The following ALOX12B variants were observed in gnomAD, a reference collection of about 807,000 sequenced individuals.
ALOX12B encodes the protein arachidonate 12-lipoxygenase, 12R type, also known as arachidonate 12-lipoxygenase, 12R-type.
In ALOX12B, 47 loss-of-function variants were observed where a neutral mutation model predicts 78.9. That is an observed-to-expected ratio of 0.60 (90% CI 0.47 to 0.76). The LOEUF (loss-of-function observed/expected upper bound fraction) is 0.76, where lower values mean the gene tolerates loss of function less well. Among genes scored for constraint, ALOX12B ranks in the 30% least tolerant of loss-of-function variants. The probability of loss-of-function intolerance (pLI) is 0.00; values close to 1 mark genes in which losing one functional copy is unlikely to be tolerated. For synonymous variants in ALOX12B, 370 were observed against 374.5 expected, an observed-to-expected ratio of 0.99 and a Z score of 0.14; for missense variants, 805 against 922.6, an observed-to-expected ratio of 0.87 and a Z score of 1.65.
rs764777428 is a variant in ALOX12B at position 8,073,136 on chromosome 17, C to G, written c.1926+12G>C. 2.7e-5 allele frequency: 43 copies of G among 1,613,994 alleles called. No individual in the cohort carries two copies. Among genetic ancestry groups the G allele is most frequent in the Non-Finnish European group, 3.4e-5 (40 of 1,180,052 alleles). The stretch of plus-strand genomic sequence containing the variant: ...CCTCCCTGTGCTCAGAGTCCCCCAT[C>G]CCGTCTCGCACCCTGTCGTCAGGCT... On this transcript the variant is annotated intron_variant, in intron 14 of 14. Transcript: ENST00000647874.
At position 8,080,008 on chromosome 17, in the gene ALOX12B, C is replaced by A; in HGVS notation, c.755-67G>T. Reference sequence around the variant, plus strand: ...CCCTCGGGGACGGAGAGGCATGGGACAGAAGAAGACTATGGGCACCGAGAG... The same window carrying A: ...CCCTCGGGGACGGAGAGGCATGGGAAAGAAGAAGACTATGGGCACCGAGAG... On this transcript the variant is annotated intron_variant, in intron 6 of 14. Transcript: ENST00000647874. This position sits in a 1 kb window ranked among gnomAD's most constrained non-coding sequence, Gnocchi z 4.8. 1 of 1,573,368 alleles carries A rather than the reference C, an allele frequency of 6.4e-7. No individual in the cohort carries two copies. The highest frequency in any genetic ancestry group is 2.3e-5 in the East Asian group (1 of 43,104).
chr17:8,076,636 G>A lies in ALOX12B; in HGVS notation c.1362+21C>T, dbSNP rs369793535. 4 of 1,547,164 alleles carry A rather than the reference G, an allele frequency of 2.6e-6. No homozygotes were observed. In the African/African-American group the frequency reaches 4.1e-5, roughly 16 times the overall value. On this transcript the variant is annotated intron_variant, in intron 10 of 14. Coordinates refer to ENST00000647874, the MANE Select transcript of ALOX12B (RefSeq NM_001139.3). ...CAGAGGAAAACAAATGTCTCGTTGG[G>A]GTTGGGGGCAGAAGTCTTACCTTGG...
intron 8 of ALOX12B, among the ~76,000 whole-genome samples, chr17:8,077,447 C>T (rs1977111205): frequency 6.6e-6 from 1 of 152,212 alleles, no homozygotes; most frequent in African/African-American, 2.4e-5. Context: ...CTTCAAGAAC[C>T]ATCTCACAAG....
In ALOX12B at chr17:8,076,697, C is replaced by T. The variant is rs1443472992; in HGVS notation, c.1322G>A (p.Gly441Asp). 3 of 1,551,202 alleles carry T rather than the reference C, an allele frequency of 1.9e-6. No individual in the cohort carries two copies. In the South Asian group the frequency reaches 3.6e-5, roughly 18 times the overall value. ...CCCCTCATTGAGGAGAACGGCCCGGCCAATGCTGTTGATCTGGACGGTGTA... is the reference window on the plus strand; with the variant it reads ...CCCCTCATTGAGGAGAACGGCCCGGTCAATGCTGTTGATCTGGACGGTGTA... ...TRYTVQINSIGRAVLLNEGGL... is the reference protein window; with the variant it reads ...TRYTVQINSIDRAVLLNEGGL... Residue 441 changes from glycine (G) to aspartate (D), a missense_variant, in exon 10 of 15, where the codon GGC becomes GAC. Transcript: ENST00000647874.
chr17:8,077,955 T>C (rs546678040), intron 8 of ALOX12B, among the ~76,000 whole-genome samples: 31 of 152,228 alleles, frequency 2.0e-4, no homozygotes, highest in African/African-American at 7.5e-4. Context: ...CAGCAACAGA[T>C]GGAAAATATT....
chr17:8,087,192 C>T (rs937770391), intron 1 of ALOX12B, 104 bp downstream of exon 1: 115 of 1,525,738 alleles, frequency 7.5e-5, no homozygotes, highest in Middle Eastern at 2.0e-4. Flanking sequence ...CACCTTCACC[C>T]CTCCCGGGGC....
rs372595186 is a variant in ALOX12B, at chr17:8,079,762, G to T, written c.927+7C>A. ...AGGGCCGGGGTCTCCGCCGGAGCGG[G>T]CCTCACCTCCAGCTCCGCTTGCAAG... On this transcript the variant is annotated splice_region_variant and intron_variant, in intron 7 of 14. Transcript: ENST00000647874. The surrounding 1 kb of genome is among the most constrained non-coding windows in gnomAD (Gnocchi z 6.4). The T allele has an allele frequency of 1.3e-4, 202 of 1,610,654 alleles. 1 individual carries two copies. In the African/African-American group the frequency reaches 2.3e-3, roughly 19 times the overall value.
Position 8,079,088 on chromosome 17 carries a change from G to T in ALOX12B, c.1071+308C>A, listed in dbSNP as rs1479679402. On this transcript the variant is annotated intron_variant, in intron 8 of 14. Coordinates refer to ENST00000647874, the MANE Select transcript of ALOX12B (RefSeq NM_001139.3). This position sits in a 1 kb window ranked among gnomAD's most constrained non-coding sequence, Gnocchi z 6.4. ...AAATTTTTGTATTTTTAGTAGAGAC[G>T]GGGTTTCACCGTGTTAGCCAGGATG... Among the ~76,000 whole-genome samples, 1 of 151,964 alleles carries T rather than the reference G, an allele frequency of 6.6e-6. No individual in the cohort carries two copies. Among genetic ancestry groups the T allele is most frequent in the Non-Finnish European group, 1.5e-5 (1 of 67,996 alleles).
intron 2 of ALOX12B, among the ~76,000 whole-genome samples, chr17:8,083,593 G>A (rs1435867417): frequency 6.6e-6 from 1 of 152,162 alleles, no homozygotes; most frequent in Non-Finnish European, 1.5e-5. Flanking sequence ...GCTGGGTGTG[G>A]TGTTGCATGC....
At chr17:8,086,524 G>T (rs1978299116) in intron 1 of ALOX12B, among the ~76,000 whole-genome samples, 1 of 152,192 alleles carries the variant, frequency 6.6e-6, no homozygotes. Context: ...GAACCCTTCA[G>T]ACCCCTGGGG....
intron 10 of ALOX12B, 113 bp downstream of exon 10, chr17:8,076,544 C>A: frequency 1.5e-6 from 2 of 1,345,938 alleles, no homozygotes; most frequent in Non-Finnish European, 2.1e-6. Context: ...AGCTCCCTCC[C>A]TTCATGCCCC....
intron 2 of ALOX12B, among the ~76,000 whole-genome samples, chr17:8,085,114 C>T (rs1002873668): frequency 2.0e-5 from 3 of 152,172 alleles, no homozygotes; most frequent in African/African-American, 7.2e-5. Flanking sequence ...AACAGTGCAT[C>T]CTGTTAGAGA....
Position 8,072,817 on chromosome 17 carries a change from T to C in ALOX12B, c.2060A>G (p.Tyr687Cys), listed in dbSNP as rs1482844053. Residue 687 changes from tyrosine (Y) to cysteine (C), a missense_variant, in exon 15 of 15, where the codon TAC (tyrosine) becomes TGC (cysteine). Tyr to Cys is a radical substitution (Grantham distance 194). Coordinates refer to ENST00000647874, the MANE Select transcript of ALOX12B (RefSeq NM_001139.3). ...AATCAGCACCGGGTCCAGGTAGTAG[T>C]AGGGGATGGGAAGGCACTTGTTGCG... The part of the protein sequence containing the change: ...RQRNKCLPIP[Y>C]YYLDPVLIEN... 2 of 1,614,198 alleles carry C rather than the reference T, an allele frequency of 1.2e-6. No homozygotes were observed. Among genetic ancestry groups the C allele is most frequent in the Non-Finnish European group, 1.7e-6 (2 of 1,180,030 alleles).
At position 8,087,253 on chromosome 17, in the gene ALOX12B, C is replaced by CACAG. The variant is rs754519461; in HGVS notation, c.147+42_147+43insCTGT. On this transcript the variant is annotated intron_variant, in intron 1 of 14. Coordinates refer to ENST00000647874, the MANE Select transcript of ALOX12B (RefSeq NM_001139.3). ...ACACACACAGACACACACACACACA[C>CACAG]ACACAGACACACACACACACACACA... The CACAG allele has an allele frequency of 1.2e-3, 1,384 of 1,128,968 alleles. 1 individual carries two copies. The highest frequency in any genetic ancestry group is 3.4e-3 in the South Asian group (221 of 64,756). 69.9% of individuals were successfully genotyped at this position (1,128,968 alleles called of 1,614,324 possible). A position where few individuals can be genotyped will look rare whatever the true frequency, so the allele number is the denominator to read the frequency against.
intron 2 of ALOX12B, among the ~76,000 whole-genome samples, chr17:8,083,151 A>G (rs1371919936): frequency 6.6e-6 from 1 of 152,028 alleles, no homozygotes; most frequent in East Asian, 1.9e-4. Context: ...AGCACATAAT[A>G]TATGGGGTAT....
chr17:8,080,570 C>G lies in ALOX12B; in HGVS notation c.650+88G>C, dbSNP rs1977193546. Reference sequence around the variant, plus strand: ...TCTGCCTTCCTGGCCATTCCAACCTCTGGGGCTGTCTTGGAGGCCGCCAAG... The same window carrying G: ...TCTGCCTTCCTGGCCATTCCAACCTGTGGGGCTGTCTTGGAGGCCGCCAAG... On this transcript the variant is annotated intron_variant, in intron 5 of 14. Coordinates refer to ENST00000647874, the MANE Select transcript of ALOX12B (RefSeq NM_001139.3). This position sits in a 1 kb window ranked among gnomAD's most constrained non-coding sequence, Gnocchi z 4.8. The G allele has an allele frequency of 2.5e-6, 4 of 1,598,030 alleles. No homozygotes were observed. The highest frequency in any genetic ancestry group is 1.3e-5 in the African/African-American group (1 of 74,680).
chr17:8,080,275 G>A lies in ALOX12B; in HGVS notation c.714C>T (p.Asp238=). ...DCKHSWKRLK[D]IRKIFPGKKS... ...TCTTGCCAGGGAAAATTTTCCTAAT[G>A]TCCTTCAGCCTCTTCCACGAATGTT... is the stretch of plus-strand genomic sequence containing the variant. The change falls in exon 6 of 15, where the codon GAC becomes GAT. Residue 238 remains aspartate (D), a synonymous_variant. Coordinates refer to ENST00000647874, the MANE Select transcript of ALOX12B (RefSeq NM_001139.3). This position sits in a 1 kb window ranked among gnomAD's most constrained non-coding sequence, Gnocchi z 4.8. The A allele has an allele frequency of 6.2e-7, 1 of 1,614,214 alleles. No homozygotes were observed. Among genetic ancestry groups the A allele is most frequent in the Admixed American group, 1.7e-5 (1 of 60,028 alleles).
In ALOX12B at chr17:8,072,767, G is replaced by A. The variant is rs993532550; in HGVS notation, c.*4C>T. 1.2e-5 allele frequency: 20 copies of A among 1,614,108 alleles called. No individual in the cohort carries two copies. The highest frequency in any genetic ancestry group is 8.0e-5 in the African/African-American group (6 of 74,952). ...TGGGGAGAGGAGAGACGGGAAGCGC[G>A]CTCCTAAATAGAAATGCTGTTCTCA... is the stretch of plus-strand genomic sequence containing the variant. On this transcript the variant is annotated 3_prime_UTR_variant, in exon 15 of 15. Coordinates refer to ENST00000647874, the MANE Select transcript of ALOX12B (RefSeq NM_001139.3).
chr17:8,076,806 C>A, intron 9 of ALOX12B, 63 bp from the exon 10 acceptor site: 1 of 1,507,212 alleles, frequency 6.6e-7, no homozygotes. Flanking sequence ...GAGCTCAGCT[C>A]CCCATTTCTG....
Sources: gnomAD v4.1 joint callset for allele counts (sites outside exome capture counted in the v4.1 genomes callset) on GRCh38, gnomAD v4.1.1 for gene constraint, Gnocchi (gnomAD v3.1) non-coding constraint, MANE v1.5 for transcripts, NCBI Gene and HGNC (gene_info 2026-07-23, HGNC 2026-07-21) for gene names.